MAP4: variants seen among roughly 807,000 people sequenced by gnomAD.
MAP4 encodes the protein microtubule-associated protein 4.
In MAP4, 76 loss-of-function variants were observed where a neutral mutation model predicts 170.2. The ratio of observed to expected loss-of-function variants is 0.45; its 90% CI spans 0.37 to 0.54. The LOEUF is 0.54. Among genes scored for constraint, MAP4 ranks in the 20% least tolerant of loss-of-function variants. The pLI, the probability that MAP4 is intolerant of heterozygous loss-of-function variation, is 0.00. For missense variants in MAP4, 2,506 were observed against 2,748.0 expected, an observed-to-expected ratio of 0.91 and a Z score of 1.97; for synonymous variants, 909 against 994.5, an observed-to-expected ratio of 0.91 and a Z score of 1.62.
At chr3:47,961,291 C>T (rs1306694573) in intron 3 of MAP4, among the ~76,000 whole-genome samples, 1 of 152,134 alleles carries the variant, frequency 6.6e-6, no homozygotes, top group Admixed American at 6.6e-5. Flanking sequence ...TGCTTGAGCT[C>T]AGGAGTTTGA....
At position 47,870,961 on chromosome 3, in the gene MAP4, A is replaced by G; in HGVS notation, c.6146T>C (p.Ile2049Thr). Residue 2049 changes from isoleucine (I) to threonine (T), a missense_variant, in exon 15 of 21, where the codon ATA becomes ACA. Around this residue, in one of 3 missense-constraint regions of MAP4, gnomAD observed 487 missense variants for 511.6 expected, o/e 0.95. Coordinates refer to ENST00000683076, the MANE Select transcript of MAP4 (RefSeq NM_001385682.1). ...MPSRPSTTPF[I>T]DKKPTSAKPS... ...TTTGGCCGAGGTGGGCTTCTTGTCTATGAAAGGAGTTGTGGAGGGCCGGGA... is the reference window on the plus strand; with the variant it reads ...TTTGGCCGAGGTGGGCTTCTTGTCTGTGAAAGGAGTTGTGGAGGGCCGGGA... 6.2e-7 allele frequency: 1 copy of G among 1,614,084 alleles called. No homozygotes were observed. Among genetic ancestry groups the G allele is most frequent in the Non-Finnish European group, 8.5e-7 (1 of 1,179,966 alleles).
chr3:47,914,312 C>T (rs1472041715), intron 8 of MAP4, among the ~76,000 whole-genome samples: 1 of 152,060 alleles, frequency 6.6e-6, no homozygotes, highest in Non-Finnish European at 1.5e-5. Flanking sequence ...AATCCCAACA[C>T]TTTGGGAGGC....
intron 15 of MAP4, among the ~76,000 whole-genome samples, chr3:47,870,237 C>T (rs3772398): frequency 0.042 from 6,445 of 152,182 alleles, 302 homozygotes; most frequent in Admixed American, 0.13. Context: ...TCTTAACCAC[C>T]GGAAAATCCT....
intron 1 of MAP4, among the ~76,000 whole-genome samples, chr3:48,074,159 G>A (rs1471031969): frequency 6.6e-6 from 1 of 151,860 alleles, no homozygotes; most frequent in Non-Finnish European, 1.5e-5. Context: ...TCCTTTGTAG[G>A]GACATGGATG....
chr3:47,975,142 C>A (rs972290169), intron 3 of MAP4: 7 of 1,115,672 alleles, frequency 6.3e-6, no homozygotes, highest in African/African-American at 4.8e-5. Flanking sequence ...ATGATAAAAT[C>A]ATAAAGAAAA....
intron 6 of MAP4, among the ~76,000 whole-genome samples, chr3:47,917,487 G>A (rs905343743): frequency 6.6e-6 from 1 of 150,774 alleles, no homozygotes; most frequent in Non-Finnish European, 1.5e-5. Flanking sequence ...TTGGGAGGCT[G>A]AAGCAGGAGA....
intron 1 of MAP4, among the ~76,000 whole-genome samples, chr3:48,055,197 T>C (rs1306909172): frequency 8.4e-5 from 6 of 71,194 alleles, no homozygotes; most frequent in African/African-American, 7.1e-4. Flanking sequence ...CCTCTCCCTC[T>C]CCGTCTCCGT....
chr3:47,915,261 C>T (rs1577513251), intron 7 of MAP4, among the ~76,000 whole-genome samples: 1 of 152,104 alleles, frequency 6.6e-6, no homozygotes, highest in East Asian at 1.9e-4. Context: ...GGATTACAGG[C>T]ATGCGCCACC....
intron 10 of MAP4, chr3:47,891,819 CAG>C: frequency 1.3e-6 from 2 of 1,536,286 alleles, no homozygotes; most frequent in Middle Eastern, 1.7e-4. Context: ...TTCAGCTGCT[CAG>C]AGTTATCATT....
At chr3:47,998,046 A>G (rs1056720749) in intron 2 of MAP4, among the ~76,000 whole-genome samples, 1 of 152,238 alleles carries the variant, frequency 6.6e-6, no homozygotes, top group African/African-American at 2.4e-5. Flanking sequence ...CTATTCTAGA[A>G]AAGAGAAAGA....
chr3:48,082,999 G>A (rs935498489), intron 1 of MAP4, among the ~76,000 whole-genome samples: 4 of 152,042 alleles, frequency 2.6e-5, no homozygotes, highest in African/African-American at 9.7e-5. Context: ...ATCTTTAAAG[G>A]TGTCAAGGAA....
chr3:48,033,893 G>A (rs976187138), intron 1 of MAP4, among the ~76,000 whole-genome samples: 11 of 152,132 alleles, frequency 7.2e-5, no homozygotes, highest in African/African-American at 2.7e-4. Flanking sequence ...GTAAGCCACC[G>A]TGTCCAGCCA....
intron 3 of MAP4, among the ~76,000 whole-genome samples, chr3:47,950,991 T>C (rs2100063350): frequency 2.6e-5 from 4 of 152,226 alleles, no homozygotes; most frequent in Admixed American, 1.3e-4. Flanking sequence ...ATGGTTCACA[T>C]ACTCAACAAA....
chr3:48,045,307 G>A (rs1196731457), intron 1 of MAP4, among the ~76,000 whole-genome samples: 4 of 150,388 alleles, frequency 2.7e-5, no homozygotes, highest in Non-Finnish European at 5.9e-5. Context: ...AACTCTGTCA[G>A]TTATAATTAT....
At chr3:47,882,807 CTTTAA>C (rs2096968837) in intron 10 of MAP4, among the ~76,000 whole-genome samples, 1 of 151,908 alleles carries the variant, frequency 6.6e-6, no homozygotes, top group African/African-American at 2.4e-5. Flanking sequence ...TTTCTCCCTA[CTTTAA>C]TTTTTTTTTT....
chr3:48,049,033 T>C (rs1384330697), intron 1 of MAP4, among the ~76,000 whole-genome samples: 1 of 152,220 alleles, frequency 6.6e-6, no homozygotes, highest in Non-Finnish European at 1.5e-5. Flanking sequence ...ATGTGACCTC[T>C]TGAGATAAGC....
chr3:48,013,830 C>T (rs2100106535), intron 1 of MAP4, among the ~76,000 whole-genome samples: 1 of 151,856 alleles, frequency 6.6e-6, no homozygotes, highest in African/African-American at 2.4e-5. Context: ...TTCTGGCTAA[C>T]ATCAAAGGAG....
At chr3:47,921,153 A>G (rs1226981993) in intron 5 of MAP4, among the ~76,000 whole-genome samples, 1 of 152,160 alleles carries the variant, frequency 6.6e-6, no homozygotes, top group African/African-American at 2.4e-5. Context: ...GTCTCAAAAA[A>G]AAGGGGAGAT....
chr3:47,879,919 A>T (rs1382572154), intron 10 of MAP4, among the ~76,000 whole-genome samples: 1 of 152,216 alleles, frequency 6.6e-6, no homozygotes, highest in Non-Finnish European at 1.5e-5. Flanking sequence ...AATCTTAGAT[A>T]GAAAGTATTC....
Sources: allele counts gnomAD v4.1 joint callset (sites outside exome capture counted in the v4.1 genomes callset), GRCh38; gene constraint gnomAD v4.1.1; regional missense constraint gnomAD v4.1.1; transcripts MANE v1.5; gene names NCBI Gene and HGNC (gene_info 2026-07-23, HGNC 2026-07-21).